Variants in ALDH1A2 observed in about 807,000 individuals in gnomAD.
ALDH1A2 encodes the protein aldehyde dehydrogenase 1 family member A2, also known as retinal dehydrogenase 2.
In ALDH1A2, 27 loss-of-function variants were observed where a neutral mutation model predicts 60.3. The ratio of observed to expected loss-of-function variants is 0.45; its 90% CI spans 0.33 to 0.62. The LOEUF (loss-of-function observed/expected upper bound fraction) is 0.62. Ranked by LOEUF, ALDH1A2 falls within the 20% of genes least tolerant of loss-of-function variation. ALDH1A2 has a pLI of 0.02. For missense variants in ALDH1A2, 581 were observed against 643.8 expected (o/e 0.90, Z 1.06); for synonymous variants, 289 against 232.4 (o/e 1.24, Z -2.21).
At chr15:57,999,230 C>T (rs182080246) in intron 4 of ALDH1A2, among the ~76,000 whole-genome samples, 32 of 152,100 alleles carry the variant, frequency 2.1e-4, no homozygotes, top group African/African-American at 7.7e-4. Context: ...AGCTTCTGCA[C>T]AGCAAAAGGA....
At chr15:58,062,471 T>C (rs1198446694) in intron 1 of ALDH1A2, among the ~76,000 whole-genome samples, 8 of 152,248 alleles carry the variant, frequency 5.3e-5, no homozygotes, top group Admixed American at 1.3e-4. Flanking sequence ...GCCTTGACTT[T>C]GTAATGTGTG....
At chr15:58,053,377 T>G (rs1190892277) in intron 1 of ALDH1A2, among the ~76,000 whole-genome samples, 2 of 152,132 alleles carry the variant, frequency 1.3e-5, no homozygotes, top group East Asian at 3.9e-4. Context: ...GCAAAAAGCA[T>G]GCTATCATTT....
chr15:58,036,247 C>T (rs1896374701), intron 1 of ALDH1A2, among the ~76,000 whole-genome samples: 1 of 151,454 alleles, frequency 6.6e-6, no homozygotes, highest in South Asian at 2.1e-4. Flanking sequence ...AATATATAAT[C>T]AATACACTAT....
chr15:58,046,913 C>T (rs1422683022), intron 1 of ALDH1A2, among the ~76,000 whole-genome samples: 1 of 152,032 alleles, frequency 6.6e-6, no homozygotes. Context: ...CTAAAAGTTG[C>T]TTTAAGTTGC....
At chr15:58,064,436 T>C (rs1298697541) in intron 1 of ALDH1A2, among the ~76,000 whole-genome samples, 1 of 150,316 alleles carries the variant, frequency 6.7e-6, no homozygotes, top group East Asian at 1.9e-4. Flanking sequence ...GTTTCTTGTA[T>C]ATCTCATTCA....
At chr15:57,965,704 T>C in intron 8 of ALDH1A2, 21 bp downstream of exon 8, 8 of 1,559,178 alleles carry the variant, frequency 5.1e-6, no homozygotes, top group Non-Finnish European at 6.2e-6. Context: ...GGTTCATGTA[T>C]GGGACCTGTA....
intron 1 of ALDH1A2, among the ~76,000 whole-genome samples, chr15:58,063,153 C>G (rs1168963814): frequency 6.6e-6 from 1 of 152,154 alleles, no homozygotes; most frequent in Non-Finnish European, 1.5e-5. Flanking sequence ...AGTAGTGACT[C>G]TATGTGGGTC....
chr15:58,050,324 TA>T (rs1896743304), intron 1 of ALDH1A2, among the ~76,000 whole-genome samples: 2 of 152,088 alleles, frequency 1.3e-5, no homozygotes, highest in Admixed American at 1.3e-4. Context: ...TGGTCACAGA[TA>T]AAAATCACCA....
intron 4 of ALDH1A2, among the ~76,000 whole-genome samples, chr15:58,008,435 T>G (rs1387557022): frequency 6.6e-6 from 1 of 152,010 alleles, no homozygotes. Flanking sequence ...ATGAAAACAG[T>G]GAGGCTTATG....
At chr15:57,966,383 C>T (rs1395660671) in intron 7 of ALDH1A2, among the ~76,000 whole-genome samples, 1 of 152,174 alleles carries the variant, frequency 6.6e-6, no homozygotes, top group African/African-American at 2.4e-5. Flanking sequence ...CTTGTAAATG[C>T]CGTTTATCTT....
At chr15:58,011,618 G>A (rs1895635848) in intron 3 of ALDH1A2, among the ~76,000 whole-genome samples, 1 of 152,074 alleles carries the variant, frequency 6.6e-6, no homozygotes, top group Non-Finnish European at 1.5e-5. Flanking sequence ...ATACTGGTGT[G>A]AAAATTATTT....
intron 1 of ALDH1A2, among the ~76,000 whole-genome samples, chr15:58,021,443 G>A (rs1373658480): frequency 3.9e-5 from 6 of 152,164 alleles, no homozygotes; most frequent in Non-Finnish European, 5.9e-5. Context: ...CCCAAAGTGG[G>A]AAATGGGTGA....
intron 1 of ALDH1A2, among the ~76,000 whole-genome samples, chr15:58,047,505 C>CA (rs1310843853): frequency 7.3e-5 from 11 of 151,724 alleles, no homozygotes; most frequent in African/African-American, 1.9e-4. Flanking sequence ...TAAGAACAAC[C>CA]AAAAAAATGG....
At chr15:58,051,569 G>A (rs1207262299) in intron 1 of ALDH1A2, among the ~76,000 whole-genome samples, 2 of 152,050 alleles carry the variant, frequency 1.3e-5, no homozygotes, top group Admixed American at 6.6e-5. Flanking sequence ...CACTTGACCC[G>A]GAATTCCTCT....
At chr15:57,967,533 G>A (rs1057159838) in intron 7 of ALDH1A2, among the ~76,000 whole-genome samples, 3 of 152,034 alleles carry the variant, frequency 2.0e-5, no homozygotes, top group East Asian at 1.9e-4. Context: ...GAAAAACACC[G>A]GGGAAACTCC....
At chr15:58,008,864 T>C (rs1169110035) in intron 4 of ALDH1A2, among the ~76,000 whole-genome samples, 1 of 152,060 alleles carries the variant, frequency 6.6e-6, no homozygotes, top group Non-Finnish European at 1.5e-5. Flanking sequence ...TCATAACGAA[T>C]AGTGACTTTC....
intron 1 of ALDH1A2, among the ~76,000 whole-genome samples, chr15:58,040,166 C>A (rs1896482213): frequency 6.6e-6 from 1 of 151,810 alleles, no homozygotes; most frequent in Non-Finnish European, 1.5e-5. Flanking sequence ...CCAAAGCAAC[C>A]ACACCTGCCT....
chr15:57,984,764 A>G (rs1156605500), intron 7 of ALDH1A2, among the ~76,000 whole-genome samples: 2 of 152,182 alleles, frequency 1.3e-5, no homozygotes, highest in African/African-American at 4.8e-5. Context: ...CTTATCATTT[A>G]ATGGACATTT....
chr15:57,982,817 C>T (rs1894560913), intron 7 of ALDH1A2, among the ~76,000 whole-genome samples: 1 of 152,162 alleles, frequency 6.6e-6, no homozygotes, highest in South Asian at 2.1e-4. Context: ...AGCTTTTACA[C>T]ACTTTGGTAC....
Sources: allele counts gnomAD v4.1 joint callset (sites outside exome capture counted in the v4.1 genomes callset), GRCh38; gene constraint gnomAD v4.1.1; transcripts MANE v1.5; gene names NCBI Gene and HGNC (gene_info 2026-07-23, HGNC 2026-07-21).